CPA3: variants seen among roughly 807,000 people sequenced by gnomAD.
The protein encoded by CPA3 is carboxypeptidase A3.
In CPA3, 52 loss-of-function variants were observed where a neutral mutation model predicts 55.8. The ratio of observed to expected loss-of-function variants is 0.93; its 90% CI spans 0.75 to 1.17. The LOEUF (loss-of-function observed/expected upper bound fraction) is 1.17. CPA3 is among the 50% of genes most tolerant of loss of function. The pLI is 0.00. For missense variants in CPA3, 547 were observed against 509.1 expected (o/e 1.07, Z -0.72); for synonymous variants, 179 against 171.2 (o/e 1.05, Z -0.36).
chr3:148,895,047 C>T (rs543210785), intron 10 of CPA3, among the ~76,000 whole-genome samples: 32 of 152,246 alleles, frequency 2.1e-4, no homozygotes, highest in Middle Eastern at 3.4e-3. Context: ...GGTGACTCTA[C>T]CCTAGTCAGG....
intron 3 of CPA3, among the ~76,000 whole-genome samples, chr3:148,872,111 G>C (rs758288644): frequency 2.0e-5 from 3 of 152,214 alleles, no homozygotes; most frequent in Non-Finnish European, 4.4e-5. Context: ...AGAAAATTAA[G>C]TTAGTAAGCC....
intron 10 of CPA3, among the ~76,000 whole-genome samples, chr3:148,893,038 G>A (rs562667836): frequency 6.6e-6 from 1 of 151,848 alleles, no homozygotes; most frequent in African/African-American, 2.4e-5. Flanking sequence ...ACCTGAACAG[G>A]GTGATTACCT....
At chr3:148,891,711 T>A (rs1397500449) in intron 10 of CPA3, among the ~76,000 whole-genome samples, 1 of 152,170 alleles carries the variant, frequency 6.6e-6, no homozygotes, top group Non-Finnish European at 1.5e-5. Flanking sequence ...TTAATCTTAA[T>A]GACAAACTCC....
At chr3:148,883,160 G>A (rs548120742) in intron 8 of CPA3, among the ~76,000 whole-genome samples, 1 of 152,134 alleles carries the variant, frequency 6.6e-6, no homozygotes, top group Non-Finnish European at 1.5e-5. Context: ...AACATCACCT[G>A]AGCTTTTAAC....
intron 3 of CPA3, among the ~76,000 whole-genome samples, chr3:148,875,340 C>G (rs2108031798): frequency 6.6e-6 from 1 of 152,184 alleles, no homozygotes; most frequent in South Asian, 2.1e-4. Context: ...GAAAATTGTT[C>G]AGATAAGTAC....
chr3:148,869,155 C>T (rs1027173154), intron 3 of CPA3, 116 bp downstream of exon 3: 49 of 1,187,438 alleles, frequency 4.1e-5, no homozygotes, highest in Middle Eastern at 2.7e-4. Flanking sequence ...AACGAAAGCT[C>T]TTTCTGTAAG....
intron 3 of CPA3, among the ~76,000 whole-genome samples, chr3:148,877,612 T>C (rs2108032888): frequency 6.6e-6 from 1 of 152,304 alleles, no homozygotes; most frequent in Admixed American, 6.5e-5. Flanking sequence ...TTCACCCCCT[T>C]CAAATCATGT....
chr3:148,887,401 C>T (rs1714562132), intron 10 of CPA3, among the ~76,000 whole-genome samples: 1 of 152,200 alleles, frequency 6.6e-6, no homozygotes, highest in Admixed American at 6.5e-5. Flanking sequence ...TCTCAAGCTT[C>T]ACAACAACCC....
chr3:148,867,716 G>T (rs955254177), intron 2 of CPA3, among the ~76,000 whole-genome samples: 3 of 152,138 alleles, frequency 2.0e-5, no homozygotes, highest in Non-Finnish European at 4.4e-5. Context: ...CGAGGTAGAG[G>T]GGGACTCAAC....
Position 148,882,511 on chromosome 3 carries a change from A to C in CPA3, c.694A>C (p.Met232Leu), listed in dbSNP as rs116686228. 1.2e-6 allele frequency: 2 copies of C among 1,613,420 alleles called. No individual in the cohort carries two copies. The highest frequency in any genetic ancestry group is 4.5e-5 in the East Asian group (2 of 44,850). ...ACGTCATTCAATCTGGCAGAACCGCATGTGGAGAAAAAATCGTTCCAAGAA... is the reference window on the plus strand; with the variant it reads ...ACGTCATTCAATCTGGCAGAACCGCCTGTGGAGAAAAAATCGTTCCAAGAA... Reference protein sequence around the residue: ...GYIWSWTKNRMWRKNRSKNQN... With the variant: ...GYIWSWTKNRLWRKNRSKNQN... The change falls in exon 8 of 11, where the codon ATG (methionine) becomes CTG (leucine). Residue 232 changes from methionine (M) to leucine (L), a missense_variant. Coordinates refer to ENST00000296046, the MANE Select transcript of CPA3 (RefSeq NM_001870.4).
chr3:148,867,383 G>A (rs1013903277), intron 2 of CPA3, among the ~76,000 whole-genome samples: 12 of 152,166 alleles, frequency 7.9e-5, no homozygotes, highest in Non-Finnish European at 1.6e-4. Flanking sequence ...CTCTGGCATT[G>A]GTTAACATGT....
intron 8 of CPA3, among the ~76,000 whole-genome samples, chr3:148,882,932 A>G (rs1290742298): frequency 6.6e-6 from 1 of 152,174 alleles, no homozygotes; most frequent in East Asian, 1.9e-4. Flanking sequence ...CAGTGGCTAA[A>G]AGCAACATAC....
intron 9 of CPA3, among the ~76,000 whole-genome samples, chr3:148,885,821 C>T (rs1424724935): frequency 6.6e-6 from 1 of 151,964 alleles, no homozygotes; most frequent in Non-Finnish European, 1.5e-5. Flanking sequence ...TTTTTCATCC[C>T]TAGTAATTTA....
At chr3:148,876,120 G>A (rs534554523) in intron 3 of CPA3, among the ~76,000 whole-genome samples, 1 of 151,748 alleles carries the variant, frequency 6.6e-6, no homozygotes, top group Non-Finnish European at 1.5e-5. Flanking sequence ...ATAGCTAAGT[G>A]TAATCAAAGT....
intron 9 of CPA3, 99 bp from the exon 10 acceptor site, chr3:148,885,994 G>A (rs2108037363): frequency 1.2e-6 from 1 of 805,862 alleles, no homozygotes. Flanking sequence ...TGCCTAACCT[G>A]TAAGACTCCA....
chr3:148,882,511 A>G lies in CPA3; in HGVS notation c.694A>G (p.Met232Val), dbSNP rs116686228. The change falls in exon 8 of 11, where the codon ATG (methionine) becomes GTG (valine). Residue 232 changes from methionine to valine, a missense_variant. Physicochemically the swap from Met to Val is conservative, Grantham distance 21. Transcript: ENST00000296046. Reference sequence around the variant, plus strand: ...ACGTCATTCAATCTGGCAGAACCGCATGTGGAGAAAAAATCGTTCCAAGAA... The same window carrying G: ...ACGTCATTCAATCTGGCAGAACCGCGTGTGGAGAAAAAATCGTTCCAAGAA... The part of the protein sequence containing the change: ...GYIWSWTKNR[M>V]WRKNRSKNQN... The G allele has an allele frequency of 6.2e-7, 1 of 1,613,538 alleles. No individual in the cohort carries two copies. Among genetic ancestry groups the G allele is most frequent in the Non-Finnish European group, 8.5e-7 (1 of 1,179,544 alleles).
At chr3:148,884,525 C>T (rs186107402) in intron 9 of CPA3, among the ~76,000 whole-genome samples, 1 of 152,088 alleles carries the variant, frequency 6.6e-6, no homozygotes, top group Non-Finnish European at 1.5e-5. Flanking sequence ...TGGTGATTGG[C>T]AAATATAGCA....
rs146101762 is a variant in CPA3 at position 148,868,947 on chromosome 3, C to T, written c.177C>T (p.His59=). 3.7e-5 allele frequency: 60 copies of T among 1,613,860 alleles called. No individual in the cohort carries two copies. The highest frequency in any genetic ancestry group is 1.4e-5 in the Non-Finnish European group (17 of 1,179,952). ...TCTGGTATCCAGGTGCCACCCACCA[C>T]GTAGCTGCTAATATGATGGTGGATT... ...LDFWYPGATH[H]VAANMMVDFR... Residue 59 remains histidine (H), a synonymous_variant, in exon 3 of 11, where the codon CAC becomes CAT. Coordinates refer to ENST00000296046, the MANE Select transcript of CPA3 (RefSeq NM_001870.4).
At chr3:148,881,445 T>C (rs2108034950) in intron 6 of CPA3, 77 bp from the exon 7 acceptor site, 2 of 798,030 alleles carry the variant, frequency 2.5e-6, no homozygotes, top group South Asian at 1.7e-5. Context: ...ACTCAAGTTA[T>C]TACTATTATA....
Sources: gnomAD v4.1 joint callset for allele counts (sites outside exome capture counted in the v4.1 genomes callset) on GRCh38, gnomAD v4.1.1 for gene constraint, MANE v1.5 for transcripts, NCBI Gene and HGNC (gene_info 2026-07-23, HGNC 2026-07-21) for gene names.